The following ACER3 variants were observed in gnomAD, a reference collection of about 807,000 sequenced individuals.
The protein encoded by ACER3 is alkaline ceramidase 3.
In ACER3, 16 loss-of-function variants were observed where a neutral mutation model predicts 48.9. The ratio of observed to expected loss-of-function variants is 0.33; its 90% confidence interval spans 0.22 to 0.50. The LOEUF is 0.50. Among genes scored for constraint, ACER3 ranks in the 20% least tolerant of loss-of-function variants. The pLI, the probability that ACER3 is intolerant of heterozygous loss-of-function variation, is 0.98. For synonymous variants in ACER3, 109 were observed against 107.8 expected (o/e 1.01, Z -0.07); for missense variants, 227 against 326.0 (o/e 0.70, Z 2.34).
At chr11:76,861,112 A>T in intron 1 of ACER3, 33 bp downstream of exon 1, 2 of 1,520,676 alleles carry the variant, frequency 1.3e-6, no homozygotes, top group Non-Finnish European at 8.9e-7. Flanking sequence ...AGTGGGGGCG[A>T]GAGGGCACCG....
intron 3 of ACER3, among the ~76,000 whole-genome samples, chr11:76,960,227 G>A (rs896311397): frequency 3.3e-5 from 5 of 152,056 alleles, no homozygotes; most frequent in Non-Finnish European, 7.4e-5. Flanking sequence ...TGGCCAACAT[G>A]TGGAAACCCC....
At chr11:76,940,990 C>T (rs1159488691) in intron 2 of ACER3, among the ~76,000 whole-genome samples, 1 of 148,096 alleles carries the variant, frequency 6.8e-6, no homozygotes, top group Non-Finnish European at 1.5e-5. Context: ...TTAAGTCTCC[C>T]CACCAAATAT....
intron 1 of ACER3, among the ~76,000 whole-genome samples, chr11:76,889,074 C>A (rs889169741): frequency 6.6e-6 from 1 of 152,144 alleles, no homozygotes; most frequent in Non-Finnish European, 1.5e-5. Flanking sequence ...TATTAAGTAG[C>A]CCCACAAGCA....
chr11:76,943,266 G>T (rs1055977760), intron 2 of ACER3, among the ~76,000 whole-genome samples: 3 of 151,776 alleles, frequency 2.0e-5, no homozygotes, highest in Admixed American at 2.0e-4. Context: ...GTTAATTTAT[G>T]ATCTTTCTAC....
chr11:76,918,399 C>G (rs1946595938), intron 1 of ACER3, among the ~76,000 whole-genome samples: 1 of 151,874 alleles, frequency 6.6e-6, no homozygotes, highest in Non-Finnish European at 1.5e-5. Flanking sequence ...CTATAACTTT[C>G]TTTGTTACTG....
chr11:76,920,590 C>G (rs1946659947), intron 1 of ACER3, among the ~76,000 whole-genome samples: 1 of 150,228 alleles, frequency 6.7e-6, no homozygotes, highest in Non-Finnish European at 1.5e-5. Context: ...TAATAATTCT[C>G]TATTCAAATT....
chr11:76,929,802 C>T lies in ACER3; in HGVS notation c.214+3135C>T, dbSNP rs550644078. On this transcript the variant is annotated intron_variant, in intron 2 of 10. Coordinates refer to ENST00000532485, the MANE Select transcript of ACER3 (RefSeq NM_018367.7). ...ATTTGCATATGTTGAACCAGTCTTG[C>T]ATCCCAGGGATGAAGCCCACTTGAT... Among the ~76,000 whole-genome samples the T allele has an allele frequency of 2.6e-5, 4 of 152,332 alleles. No individual in the cohort carries two copies. The South Asian group carries it at 8.3e-4, about 32-fold the overall frequency.
intron 1 of ACER3, among the ~76,000 whole-genome samples, chr11:76,915,791 A>G (rs1286417222): frequency 3.3e-5 from 5 of 152,244 alleles, no homozygotes; most frequent in Non-Finnish European, 7.3e-5. Context: ...ACCTTTTCAC[A>G]TGGCAGCAGG....
chr11:76,946,209 A>T (rs1346645229), intron 2 of ACER3, among the ~76,000 whole-genome samples: 1 of 152,176 alleles, frequency 6.6e-6, no homozygotes, highest in Non-Finnish European at 1.5e-5. Flanking sequence ...TCAGCCAGGC[A>T]GGAGATGCAG....
chr11:76,965,382 C>T (rs1948111641), intron 3 of ACER3, among the ~76,000 whole-genome samples: 1 of 151,408 alleles, frequency 6.6e-6, no homozygotes, highest in African/African-American at 2.5e-5. Flanking sequence ...GGAAAACACT[C>T]TGCAGGATAT....
chr11:76,872,906 T>TTTTC (rs1565152467), intron 1 of ACER3, among the ~76,000 whole-genome samples: 3 of 65,236 alleles, frequency 4.6e-5, no homozygotes, highest in African/African-American at 2.2e-4. Flanking sequence ...TTCTTTTTTC[T>TTTTC]TTTTCTTTTT....
Position 76,964,974 on chromosome 11 carries a change from A to C in ACER3, c.267+5943A>C, listed in dbSNP as rs549078361. ...AGCTGGACGGAGAATGACTTTGACA[A>C]GTTGAGAGAAGAAGGCTTCAGAAGA... is the stretch of plus-strand genomic sequence containing the variant. On this transcript the variant is annotated intron_variant, in intron 3 of 10. Transcript: ENST00000532485. Among the ~76,000 whole-genome samples the C allele has an allele frequency of 2.0e-4, 31 of 151,520 alleles. 1 individual carries two copies. Among genetic ancestry groups the C allele is most frequent in the Non-Finnish European group, 3.5e-4 (24 of 68,024 alleles).
At chr11:76,960,254 C>A (rs1395150482) in intron 3 of ACER3, among the ~76,000 whole-genome samples, 1 of 151,882 alleles carries the variant, frequency 6.6e-6, no homozygotes, top group Non-Finnish European at 1.5e-5. Context: ...ACTAAAAATA[C>A]AAAAATTAGC....
chr11:76,989,439 A>T (rs1263010962), intron 5 of ACER3, among the ~76,000 whole-genome samples: 1 of 152,150 alleles, frequency 6.6e-6, no homozygotes, highest in Non-Finnish European at 1.5e-5. Context: ...AAGTTTATAC[A>T]TGAAGAGTAA....
chr11:76,941,496 A>G (rs896246741), intron 2 of ACER3, among the ~76,000 whole-genome samples: 1 of 151,976 alleles, frequency 6.6e-6, no homozygotes, highest in African/African-American at 2.4e-5. Context: ...TTTATTTATT[A>G]TTATTTTTTG....
chr11:76,868,387 C>G (rs111732185), intron 1 of ACER3: 26,975 of 412,328 alleles, frequency 0.065, 1,539 homozygotes, highest in East Asian at 0.28. Flanking sequence ...CTCTCTCTCT[C>G]TCTCTGTGTG....
At chr11:76,869,072 C>T (rs1310808205) in intron 1 of ACER3, among the ~76,000 whole-genome samples, 1 of 152,156 alleles carries the variant, frequency 6.6e-6, no homozygotes, top group Admixed American at 6.5e-5. Context: ...GCTGCACTAG[C>T]CCTAGCCCCG....
intron 3 of ACER3, among the ~76,000 whole-genome samples, chr11:76,974,816 T>TA (rs531116363): frequency 4.1e-3 from 618 of 151,372 alleles, no homozygotes; most frequent in Non-Finnish European, 5.8e-3. Context: ...AGTTATAGCT[T>TA]AAAAAAAAAC....
At chr11:76,874,364 A>G (rs1945314691) in intron 1 of ACER3, among the ~76,000 whole-genome samples, 1 of 152,032 alleles carries the variant, frequency 6.6e-6, no homozygotes, top group South Asian at 2.1e-4. Context: ...TTAGGTACTT[A>G]ATAAAGATGA....
Sources: gnomAD v4.1 joint callset for allele counts (sites outside exome capture counted in the v4.1 genomes callset) on GRCh38, gnomAD v4.1.1 for gene constraint, MANE v1.5 for transcripts, NCBI Gene and HGNC (gene_info 2026-07-23, HGNC 2026-07-21) for gene names.